Variants in TNR observed in about 807,000 individuals in gnomAD.
The protein encoded by TNR is tenascin R.
A neutral mutation model predicts 150.4 loss-of-function variants in TNR; 45 were observed. The ratio of observed to expected loss-of-function variants is 0.30; its 90% CI spans 0.24 to 0.38. The LOEUF (loss-of-function observed/expected upper bound fraction) is 0.38. TNR is among the 10% of genes least tolerant of loss of function. The pLI is 1.00. For missense variants in TNR, 1,544 were observed against 1,759.1 expected (o/e 0.88, Z 2.19); for synonymous variants, 687 against 678.4 (o/e 1.01, Z -0.20).
intron 1 of TNR, among the ~76,000 whole-genome samples, chr1:175,710,250 A>G (rs746291009): frequency 4.6e-5 from 7 of 152,026 alleles, no homozygotes; most frequent in Non-Finnish European, 8.8e-5. Flanking sequence ...CATGGAGGAC[A>G]TGGGGAGTGC....
chr1:175,652,888 T>A (rs1665042726), intron 1 of TNR, among the ~76,000 whole-genome samples: 1 of 152,200 alleles, frequency 6.6e-6, no homozygotes, highest in Admixed American at 6.5e-5. Flanking sequence ...AGTAGAAAAT[T>A]CACAGCAAGG....
At chr1:175,543,454 CTAGAG>C (rs1660575436) in intron 1 of TNR, among the ~76,000 whole-genome samples, 3 of 152,112 alleles carry the variant, frequency 2.0e-5, no homozygotes, top group Admixed American at 1.3e-4. Flanking sequence ...GGAAGGGGAC[CTAGAG>C]CCAGAGAGCA....
intron 20 of TNR, among the ~76,000 whole-genome samples, chr1:175,331,062 TTTC>T (rs1649803358): frequency 8.9e-5 from 11 of 124,048 alleles, no homozygotes; most frequent in African/African-American, 3.5e-4. Flanking sequence ...TCTTTCTTTC[TTTC>T]TTTCTTTCTT....
chr1:175,379,683 T>G lies in TNR; in HGVS notation c.1832A>C (p.Asp611Ala), dbSNP rs191787434. 83 of 1,614,184 alleles carry G rather than the reference T, an allele frequency of 5.1e-5. No individual in the cohort carries two copies. In the African/African-American group the frequency reaches 5.2e-4, roughly 10 times the overall value. The change falls in exon 9 of 23, where the codon GAC becomes GCC. Residue 611 changes from aspartate (D) to alanine (A), a missense_variant. Around this residue, in one of 2 missense-constraint regions of TNR, gnomAD observed 1,254 missense variants for 1,329.4 expected, o/e 0.94. Coordinates refer to ENST00000367674, the MANE Select transcript of TNR (RefSeq NM_003285.3). ...RVGSRTATSL[D>A]LEWDNSEAEV... ...GGCTTCACTGTTATCCCACTCGAGG[T>G]CAAGGCTGGTTGCTGTGCGAGAACC...
Position 175,326,146 on chromosome 1 carries a change from G to A in TNR, c.3794-1627C>T, listed in dbSNP as rs369497497. On this transcript the variant is annotated intron_variant, in intron 21 of 22. Coordinates refer to ENST00000367674, the MANE Select transcript of TNR (RefSeq NM_003285.3). ...TTATTCTGAGGGGCAAACAGGCTGC[G>A]TGTTCTCTTTTGGGGATATTGTGCA... 7.9e-5 allele frequency among the ~76,000 whole-genome samples: 12 copies of A among 152,214 alleles called. No individual in the cohort carries two copies. In the East Asian group the frequency reaches 1.2e-3, roughly 15 times the overall value.
chr1:175,610,909 C>T (rs1663573648), intron 1 of TNR, among the ~76,000 whole-genome samples: 1 of 152,198 alleles, frequency 6.6e-6, no homozygotes, highest in South Asian at 2.1e-4. Context: ...GCCTACTATG[C>T]ATTCATGCCA....
chr1:175,370,297 T>C (rs1652037042), intron 9 of TNR, among the ~76,000 whole-genome samples: 2 of 151,170 alleles, frequency 1.3e-5, no homozygotes, highest in African/African-American at 4.9e-5. Context: ...TAGCTAGTAT[T>C]TTATTACTTT....
At chr1:175,626,310 A>T (rs990917942) in intron 1 of TNR, among the ~76,000 whole-genome samples, 1 of 152,160 alleles carries the variant, frequency 6.6e-6, no homozygotes, top group African/African-American at 2.4e-5. Flanking sequence ...TTTGATAACT[A>T]TGATCGTGCA....
At chr1:175,451,872 A>G (rs1297220925) in intron 2 of TNR, among the ~76,000 whole-genome samples, 1 of 152,200 alleles carries the variant, frequency 6.6e-6, no homozygotes, top group East Asian at 1.9e-4. Context: ...CTGTACTTCT[A>G]TAACGAATTG....
chr1:175,402,258 G>C (rs1653744031), intron 4 of TNR, among the ~76,000 whole-genome samples: 1 of 121,694 alleles, frequency 8.2e-6, no homozygotes, highest in Non-Finnish European at 1.6e-5. Context: ...AGTGAGCCGA[G>C]ATTGCGCCAC....
Position 175,316,486 on chromosome 1 carries a change from G to A in TNR, c.*6871C>T, listed in dbSNP as rs1648847513. ...AAATTTATAGGATATCTGCATTTGT[G>A]CTATCCATACTGGTTTGAATACACT... On this transcript the variant is annotated 3_prime_UTR_variant, in exon 23 of 23. Coordinates refer to ENST00000367674, the MANE Select transcript of TNR (RefSeq NM_003285.3). 1.3e-5 allele frequency: 2 copies of A among 152,212 alleles called. No individual in the cohort carries two copies. The highest frequency in any genetic ancestry group is 1.3e-4 in the Admixed American group (2 of 15,286). 9.4% of individuals were successfully genotyped at this position (152,212 alleles called of 1,614,324 possible). A position where few individuals can be genotyped will look rare whatever the true frequency, so the allele number is the denominator to read the frequency against.
chr1:175,627,051 A>G (rs1281694231), intron 1 of TNR, among the ~76,000 whole-genome samples: 2 of 152,190 alleles, frequency 1.3e-5, no homozygotes, highest in Non-Finnish European at 2.9e-5. Flanking sequence ...TTGATTTTGG[A>G]CTTCTGGCCT....
At chr1:175,659,996 C>T (rs147610802) in intron 1 of TNR, among the ~76,000 whole-genome samples, 1,785 of 146,124 alleles carry the variant, frequency 0.012, 33 homozygotes, top group African/African-American at 0.04. Context: ...GGGTGGAATG[C>T]TAGAAAATTG....
chr1:175,488,755 C>T (rs1462952572), intron 2 of TNR, among the ~76,000 whole-genome samples: 1 of 152,208 alleles, frequency 6.6e-6, no homozygotes, highest in African/African-American at 2.4e-5. Context: ...ATCCCCCTGC[C>T]ACTGTGAAAA....
rs565888998 is a variant in TNR at position 175,622,007 on chromosome 1, G to A, written c.-164-93638C>T. On this transcript the variant is annotated intron_variant, in intron 1 of 22. Transcript: ENST00000367674. ...GTCTCTTTGAAAGAGGGATAATAACGTTATTCACTCTGTGAGGATGTTAAG... is the reference window on the plus strand; with the variant it reads ...GTCTCTTTGAAAGAGGGATAATAACATTATTCACTCTGTGAGGATGTTAAG... Among the ~76,000 whole-genome samples the A allele has an allele frequency of 2.4e-4, 37 of 152,306 alleles. 1 individual carries two copies. Among genetic ancestry groups the A allele is most frequent in the African/African-American group, 8.9e-4 (37 of 41,574 alleles).
intron 9 of TNR, among the ~76,000 whole-genome samples, chr1:175,370,311 C>G (rs1392648482): frequency 7.8e-6 from 1 of 127,716 alleles, no homozygotes; most frequent in Non-Finnish European, 1.6e-5. Context: ...TTACTTTGCA[C>G]AGAGAACTAT....
At chr1:175,437,286 A>C (rs2102076660) in intron 2 of TNR, among the ~76,000 whole-genome samples, 1 of 152,358 alleles carries the variant, frequency 6.6e-6, no homozygotes, top group African/African-American at 2.4e-5. Flanking sequence ...TACTGGGTAC[A>C]TAACGAAATG....
intron 9 of TNR, among the ~76,000 whole-genome samples, chr1:175,368,118 T>C (rs1651924693): frequency 6.6e-6 from 1 of 152,230 alleles, no homozygotes; most frequent in Non-Finnish European, 1.5e-5. Context: ...GACTAACTGG[T>C]TTGACTGGTG....
In TNR at chr1:175,430,821, G is replaced by A. The variant is rs535643280; in HGVS notation, c.-63-24044C>T. 1.1e-4 allele frequency among the ~76,000 whole-genome samples: 16 copies of A among 152,276 alleles called. 1 individual carries two copies. In the East Asian group the frequency reaches 3.1e-3, roughly 29 times the overall value. ...GTTTTGATCTACCATATAGACAAGA[G>A]GGCTCAGGGAAACATCATTACTTAA... On this transcript the variant is annotated intron_variant, in intron 2 of 22. Coordinates refer to ENST00000367674, the MANE Select transcript of TNR (RefSeq NM_003285.3).
Sources: gnomAD v4.1 joint callset for allele counts (sites outside exome capture counted in the v4.1 genomes callset) on GRCh38, gnomAD v4.1.1 for gene constraint, gnomAD v4.1.1 regional missense constraint, MANE v1.5 for transcripts, NCBI Gene and HGNC (gene_info 2026-07-23, HGNC 2026-07-21) for gene names.